Variants in DNAJB11 observed in about 807,000 individuals in gnomAD.
DNAJB11 encodes the protein dnaJ homolog subfamily B member 11.
DNAJB11 carries 30 observed loss-of-function variants against 47.2 expected under a neutral mutation model. The observed-to-expected ratio is 0.64, with a 90% confidence interval of 0.48 to 0.86. The LOEUF (loss-of-function observed/expected upper bound fraction) is 0.86. Among genes scored for constraint, DNAJB11 ranks in the 40% least tolerant of loss-of-function variants. DNAJB11 has a pLI of 0.00. For synonymous variants in DNAJB11, 151 were observed against 159.9 expected (o/e 0.94, Z 0.42); for missense variants, 357 against 440.2 (o/e 0.81, Z 1.69).
chr3:186,578,963 T>TAC (rs1715392037), intron 4 of DNAJB11: 1 of 152,244 alleles, frequency 6.6e-6, no homozygotes, highest in South Asian at 2.1e-4. Context: ...ACACTTGTAA[T>TAC]CTCAGCTACT....
intron 3 of DNAJB11, among the ~76,000 whole-genome samples, chr3:186,576,142 A>G (rs1715285741): frequency 6.6e-6 from 1 of 152,254 alleles, no homozygotes. Context: ...CTGAAAGGAC[A>G]TTCCATCTAG....
At chr3:186,571,020 G>C in intron 1 of DNAJB11, 55 bp downstream of exon 1, 1 of 1,129,296 alleles carries the variant, frequency 8.9e-7, no homozygotes, top group South Asian at 1.4e-5. Flanking sequence ...TTTGCTGGGG[G>C]GTGGGAGGGG....
intron 2 of DNAJB11, among the ~76,000 whole-genome samples, chr3:186,575,353 A>ATGCGCGCGCG (rs1491249412): frequency 1.9e-3 from 205 of 109,546 alleles, no homozygotes; most frequent in South Asian, 2.9e-3. Flanking sequence ...CTCCTAATAC[A>ATGCGCGCGCG]TGCGCGCGCG....
chr3:186,575,478 G>A (rs975546484), intron 2 of DNAJB11, among the ~76,000 whole-genome samples: 4 of 152,050 alleles, frequency 2.6e-5, no homozygotes, highest in Admixed American at 1.3e-4. Context: ...AACAGCATAA[G>A]CACCAAAGTC....
At chr3:186,585,088 T>G (rs1368620846) in intron 9 of DNAJB11, among the ~76,000 whole-genome samples, 1 of 152,176 alleles carries the variant, frequency 6.6e-6, no homozygotes, top group Non-Finnish European at 1.5e-5. Flanking sequence ...GATTGCCTCT[T>G]CTCATTCCTC....
chr3:186,571,921 A>C (rs1178578825), intron 1 of DNAJB11, among the ~76,000 whole-genome samples, 174 bp from the exon 2 acceptor site: 1 of 152,240 alleles, frequency 6.6e-6, no homozygotes, highest in Non-Finnish European at 1.5e-5. Flanking sequence ...TTCATTACAA[A>C]TTCTGGTGTT....
Position 186,575,840 on chromosome 3 carries a change from G to C in DNAJB11, c.226G>C (p.Val76Leu), listed in dbSNP as rs773573585. Reference protein sequence around the residue: ...KFQDLGAAYEVLSDSEKRKQY... With the variant: ...KFQDLGAAYELLSDSEKRKQY... ...TTCCTCCACTGGCTTTTATCCCCAG[G>C]TTCTGTCAGATAGTGAGAAACGGAA... The change falls in exon 3 of 10, where the codon GTT becomes CTT. Residue 76 changes from valine (V) to leucine (L), a missense_variant and splice_region_variant. Val to Leu is a conservative substitution (Grantham distance 32). Coordinates refer to ENST00000265028, the MANE Select transcript of DNAJB11 (RefSeq NM_016306.6). 1.2e-6 allele frequency: 2 copies of C among 1,612,634 alleles called. No individual in the cohort carries two copies. Among genetic ancestry groups the C allele is most frequent in the African/African-American group, 2.7e-5 (2 of 74,974 alleles).
In DNAJB11 at chr3:186,583,991, T is replaced by C; in HGVS notation, c.852+15T>C. ...ATGGTCACAAGGTAAACAAACCAAT[T>C]TACTCGTTCTGCATCCTTTTGAAGC... On this transcript the variant is annotated intron_variant, in intron 8 of 9. Coordinates refer to ENST00000265028, the MANE Select transcript of DNAJB11 (RefSeq NM_016306.6). 6.4e-7 allele frequency: 1 copy of C among 1,566,278 alleles called. No homozygotes were observed. Among genetic ancestry groups the C allele is most frequent in the Non-Finnish European group, 8.8e-7 (1 of 1,137,168 alleles).
At chr3:186,577,837 C>G in intron 4 of DNAJB11, 37 bp downstream of exon 4, 1 of 1,524,620 alleles carries the variant, frequency 6.6e-7, no homozygotes, top group Non-Finnish European at 8.8e-7. Context: ...TATTGACTCC[C>G]AGAACTTGCA....
chr3:186,581,927 TTATCTA>T, intron 5 of DNAJB11, 62 bp from the exon 6 acceptor site: 1 of 1,320,508 alleles, frequency 7.6e-7, no homozygotes, highest in Non-Finnish European at 1.1e-6. Flanking sequence ...AGGTATAACT[TTATCTA>T]TATCTGATGT....
In DNAJB11 at chr3:186,572,351, ATTT is replaced by A. The variant is rs1478691523; in HGVS notation, c.225+101_225+103del. 20 of 1,164,858 alleles carry A rather than the reference ATTT, an allele frequency of 1.7e-5. No homozygotes were observed. The Admixed American group carries it at 3.9e-4, about 23-fold the overall frequency. The allele number at this position is 1,164,858 out of a possible 1,614,324, so 72.2% of individuals were successfully genotyped here. ...CCTTTCAGCTCACATTTATTTATTTATTTATTTATTTTGAGACTGAGTCTCTAT... is the reference window on the plus strand; with the variant it reads ...CCTTTCAGCTCACATTTATTTATTTAATTTATTTTGAGACTGAGTCTCTAT... On this transcript the variant is annotated intron_variant, in intron 2 of 9. Transcript: ENST00000265028.
chr3:186,572,169 T>TA lies in DNAJB11; in HGVS notation c.144dup (p.Ala49SerfsTer11). 6.2e-7 allele frequency: 1 copy of TA among 1,613,956 alleles called. No individual in the cohort carries two copies. Among genetic ancestry groups the TA allele is most frequent in the South Asian group, 1.1e-5 (1 of 91,044 alleles). On this transcript the variant is annotated frameshift_variant, in exon 2 of 10. Transcript: ENST00000265028. LOFTEE classifies it high-confidence loss of function. Reference sequence around the variant, plus strand: ...GATATTAAAAAGGCCTATAGGAAACTAGCCCTGCAGCTTCATCCCGACCGG... The same window carrying TA: ...GATATTAAAAAGGCCTATAGGAAACTAAGCCCTGCAGCTTCATCCCGACCGG...
chr3:186,571,035 G>A lies in DNAJB11; in HGVS notation c.68+70G>A, dbSNP rs535800631. The A allele has an allele frequency of 1.2e-3, 1,335 of 1,087,564 alleles. 19 individuals carry two copies. The highest frequency in any genetic ancestry group is 2.5e-3 in the Admixed American group (96 of 38,798). The allele number at this position is 1,087,564 out of a possible 1,614,324, so 67.4% of individuals were successfully genotyped here. A position where few individuals can be genotyped will look rare whatever the true frequency, so the allele number is the denominator to read the frequency against. Reference sequence around the variant, plus strand: ...TTTGCTGGGGGGTGGGAGGGGGTGGGGGAAGTGGCATTGCCAGACTGACGG... The same window carrying A: ...TTTGCTGGGGGGTGGGAGGGGGTGGAGGAAGTGGCATTGCCAGACTGACGG... On this transcript the variant is annotated intron_variant, in intron 1 of 9. Transcript: ENST00000265028.
At chr3:186,582,919 T>C (rs1356446323) in intron 7 of DNAJB11, 146 bp downstream of exon 7, 2 of 650,002 alleles carry the variant, frequency 3.1e-6, no homozygotes, top group Non-Finnish European at 5.5e-6. Context: ...GGCTGAAAAC[T>C]TGGGGTTGGG....
At chr3:186,580,374 A>G (rs756641723) in intron 4 of DNAJB11, 3 of 152,192 alleles carry the variant, frequency 2.0e-5, no homozygotes, top group Non-Finnish European at 4.4e-5. Context: ...ATGGTTAAGG[A>G]GCATGGACTT....
Sources: allele counts gnomAD v4.1 joint callset (sites outside exome capture counted in the v4.1 genomes callset), GRCh38; gene constraint gnomAD v4.1.1; transcripts MANE v1.5; gene names NCBI Gene and HGNC (gene_info 2026-07-23, HGNC 2026-07-21).